The following IL1R1 variants were observed in gnomAD, a reference collection of about 807,000 sequenced individuals.
IL1R1 encodes the protein interleukin-1 receptor type 1.
Under a neutral mutation model 50.2 loss-of-function variants are expected in IL1R1, and 22 were observed. That is an observed-to-expected ratio of 0.44 (90% confidence interval 0.31 to 0.63). The LOEUF (loss-of-function observed/expected upper bound fraction) is 0.63. IL1R1 is among the 20% of genes least tolerant of loss of function. The pLI is 0.07. For missense variants in IL1R1, 509 were observed against 676.2 expected (o/e 0.75, Z 2.74); for synonymous variants, 251 against 236.7 (o/e 1.06, Z -0.55).
intron 6 of IL1R1, among the ~76,000 whole-genome samples, chr2:102,167,770 T>C (rs1455440737): frequency 3.3e-5 from 5 of 152,076 alleles, no homozygotes; most frequent in Non-Finnish European, 7.4e-5. Flanking sequence ...TTTTTGATAT[T>C]CTCTGTTTCC....
intron 7 of IL1R1, among the ~76,000 whole-genome samples, chr2:102,168,897 A>G (rs867619577): frequency 2.2e-4 from 33 of 152,132 alleles, no homozygotes; most frequent in African/African-American, 7.5e-4. Context: ...ACTTATTACC[A>G]TGAAAACACC....
chr2:102,072,209 G>T (rs375364498), intron 1 of IL1R1, among the ~76,000 whole-genome samples: 2 of 150,764 alleles, frequency 1.3e-5, no homozygotes, highest in Non-Finnish European at 2.9e-5. Context: ...GCAGTGAGCC[G>T]AGATTGTGCC....
intron 1 of IL1R1, among the ~76,000 whole-genome samples, chr2:102,107,617 T>C (rs1680494415): frequency 6.6e-6 from 1 of 152,076 alleles, no homozygotes; most frequent in Admixed American, 6.5e-5. Context: ...GTTGTGCACA[T>C]GTACCCTAGA....
At chr2:102,163,335 T>G (rs572861428) in intron 3 of IL1R1, among the ~76,000 whole-genome samples, 2 of 152,350 alleles carry the variant, frequency 1.3e-5, no homozygotes, top group South Asian at 2.1e-4. Context: ...CACATTTTTC[T>G]TCTTCAGTGA....
intron 3 of IL1R1, among the ~76,000 whole-genome samples, chr2:102,158,679 A>G (rs1684425408): frequency 6.6e-6 from 1 of 152,204 alleles, no homozygotes. Flanking sequence ...GGGGGATGGC[A>G]GAGGGTTGAT....
Position 102,164,925 on chromosome 2 carries a change from C to T in IL1R1, c.213C>T (p.Ala71=). The T allele has an allele frequency of 6.2e-7, 1 of 1,614,092 alleles. No individual in the cohort carries two copies. Among genetic ancestry groups the T allele is most frequent in the Non-Finnish European group, 8.5e-7 (1 of 1,179,984 alleles). The part of the protein sequence containing the change: ...DSKTPVSTEQ[A]SRIHQHKEKL... ...AGACACCTGTATCTACAGAACAAGCCTCCAGGATTCATCAACACAAAGAGA... is the reference window on the plus strand; with the variant it reads ...AGACACCTGTATCTACAGAACAAGCTTCCAGGATTCATCAACACAAAGAGA... The change falls in exon 4 of 12, where the codon GCC becomes GCT. Residue 71 remains alanine (A), a synonymous_variant. Transcript: ENST00000410023.
At chr2:102,125,610 G>T (rs957882713) in intron 1 of IL1R1, among the ~76,000 whole-genome samples, 1 of 152,222 alleles carries the variant, frequency 6.6e-6, no homozygotes, top group South Asian at 2.1e-4. Flanking sequence ...GCCTTGTTAG[G>T]CCCTTCCAGC....
intron 1 of IL1R1, among the ~76,000 whole-genome samples, chr2:102,152,987 CA>C (rs5832998): frequency 0.42 from 61,519 of 145,858 alleles, 13,465 homozygotes; most frequent in Admixed American, 0.51. Context: ...ATGATTCAGA[CA>C]AAAAAAAAAA....
intron 1 of IL1R1, among the ~76,000 whole-genome samples, chr2:102,095,219 T>C (rs1406802887): frequency 1.3e-5 from 2 of 152,188 alleles, no homozygotes; most frequent in African/African-American, 2.4e-5. Flanking sequence ...GCCCTGTGTG[T>C]ATGTGATAGT....
At chr2:102,114,293 A>G (rs1680945575) in intron 1 of IL1R1, among the ~76,000 whole-genome samples, 1 of 152,264 alleles carries the variant, frequency 6.6e-6, no homozygotes, top group Admixed American at 6.5e-5. Context: ...GTTTCTCTGG[A>G]AAGGTTAAAC....
At chr2:102,155,376 A>C (rs1684088352) in intron 2 of IL1R1, among the ~76,000 whole-genome samples, 1 of 152,200 alleles carries the variant, frequency 6.6e-6, no homozygotes, top group Non-Finnish European at 1.5e-5. Flanking sequence ...ATGTTGAGGG[A>C]CTTCTGACTT....
At chr2:102,130,314 T>G (rs1302060680) in intron 1 of IL1R1, among the ~76,000 whole-genome samples, 3 of 152,200 alleles carry the variant, frequency 2.0e-5, no homozygotes, top group Non-Finnish European at 2.9e-5. Context: ...TTTTGAACAT[T>G]CTCAGTATTC....
At chr2:102,118,931 T>C (rs571627185) in intron 1 of IL1R1, among the ~76,000 whole-genome samples, 1 of 140,380 alleles carries the variant, frequency 7.1e-6, no homozygotes, top group African/African-American at 2.7e-5. Flanking sequence ...GGCAGGAGAA[T>C]GGTATGAACC....
At chr2:102,107,781 G>A (rs920704817) in intron 1 of IL1R1, among the ~76,000 whole-genome samples, 4 of 152,052 alleles carry the variant, frequency 2.6e-5, no homozygotes, top group Admixed American at 1.3e-4. Flanking sequence ...GTCTTTTTTG[G>A]TTACTCATTG....
upstream of IL1R1, among the ~76,000 whole-genome samples, chr2:102,101,019 G>T (rs577693112): frequency 6.6e-6 from 1 of 152,254 alleles, no homozygotes; most frequent in African/African-American, 2.4e-5. Context: ...AGAGACAAAG[G>T]TTAAACTAAC....
At chr2:102,133,264 C>T (rs561622219) in intron 1 of IL1R1, among the ~76,000 whole-genome samples, 2 of 129,314 alleles carry the variant, frequency 1.5e-5, no homozygotes, top group Non-Finnish European at 3.3e-5. Flanking sequence ...AAAAAAAAAT[C>T]TTCCCACAAG....
At chr2:102,108,835 A>C (rs1229705543) in intron 1 of IL1R1, among the ~76,000 whole-genome samples, 1 of 151,920 alleles carries the variant, frequency 6.6e-6, no homozygotes, top group Non-Finnish European at 1.5e-5. Context: ...TTTGGCATGA[A>C]TATCAAAAAC....
At chr2:102,081,081 A>C (rs974134283) in intron 1 of IL1R1, among the ~76,000 whole-genome samples, 2 of 152,156 alleles carry the variant, frequency 1.3e-5, no homozygotes, top group African/African-American at 4.8e-5. Context: ...AGTGATTGCT[A>C]ATGAGTATGA....
At chr2:102,163,854 A>G (rs1684939012) in intron 3 of IL1R1, among the ~76,000 whole-genome samples, 1 of 152,142 alleles carries the variant, frequency 6.6e-6, no homozygotes, top group South Asian at 2.1e-4. Context: ...TTGTTCTGCC[A>G]CATGATTGTT....
Sources: gnomAD v4.1 joint callset for allele counts (sites outside exome capture counted in the v4.1 genomes callset) on GRCh38, gnomAD v4.1.1 for gene constraint, MANE v1.5 for transcripts, NCBI Gene and HGNC (gene_info 2026-07-23, HGNC 2026-07-21) for gene names.